Variants in NDST4 observed in about 807,000 individuals in gnomAD.
NDST4 encodes N-heparan sulfate sulfotransferase 4.
A neutral mutation model predicts 100.8 loss-of-function variants in NDST4; 63 were observed. The observed-to-expected ratio is 0.62, with a 90% CI of 0.51 to 0.77. The LOEUF (loss-of-function observed/expected upper bound fraction) is 0.77. NDST4 is among the 30% of genes least tolerant of loss of function. NDST4 has a pLI of 0.00. For synonymous variants in NDST4, 377 were observed against 361.8 expected (o/e 1.04, Z -0.48); for missense variants, 943 against 1,018.4 (o/e 0.93, Z 1.01).
intron 4 of NDST4, among the ~76,000 whole-genome samples, chr4:114,963,594 A>G (rs1726314169): frequency 6.6e-6 from 1 of 152,210 alleles, no homozygotes; most frequent in Non-Finnish European, 1.5e-5. Context: ...ACCAATATCA[A>G]TAAAGCTGCT....
chr4:114,988,160 T>C (rs1726952995), intron 2 of NDST4, among the ~76,000 whole-genome samples: 1 of 151,956 alleles, frequency 6.6e-6, no homozygotes, highest in African/African-American at 2.4e-5. Context: ...ATAAATATTA[T>C]AGTATATTTC....
At chr4:114,861,140 T>C (rs1211433488) in intron 7 of NDST4, among the ~76,000 whole-genome samples, 2 of 152,184 alleles carry the variant, frequency 1.3e-5, no homozygotes, top group Non-Finnish European at 2.9e-5. Context: ...ATGCTCATAT[T>C]TTTCCCCAAA....
chr4:115,064,877 C>A (rs1036257496), intron 2 of NDST4, among the ~76,000 whole-genome samples: 1 of 152,002 alleles, frequency 6.6e-6, no homozygotes, highest in Non-Finnish European at 1.5e-5. Context: ...CACTGCCAAC[C>A]CAATGGGGCC....
intron 2 of NDST4, among the ~76,000 whole-genome samples, chr4:115,065,069 T>C (rs1243652411): frequency 1.3e-5 from 2 of 152,268 alleles, no homozygotes; most frequent in Non-Finnish European, 2.9e-5. Context: ...AGTGATGACA[T>C]TGTATTTCCA....
intron 6 of NDST4, among the ~76,000 whole-genome samples, chr4:114,920,576 A>C (rs753211459): frequency 1.3e-5 from 2 of 152,178 alleles, no homozygotes; most frequent in Non-Finnish European, 2.9e-5. Context: ...TCAAGGAAAC[A>C]CTTCATGCTT....
At chr4:115,069,320 A>C (rs946457498) in intron 2 of NDST4, among the ~76,000 whole-genome samples, 10 of 152,218 alleles carry the variant, frequency 6.6e-5, no homozygotes. Flanking sequence ...GCTGGCTCAC[A>C]AAGAACATTG....
intron 11 of NDST4, among the ~76,000 whole-genome samples, chr4:114,837,340 G>A (rs1723326075): frequency 6.6e-6 from 1 of 151,846 alleles, no homozygotes; most frequent in South Asian, 2.1e-4. Context: ...TGTTTCATAT[G>A]GAACCAAAAA....
intron 6 of NDST4, among the ~76,000 whole-genome samples, chr4:114,917,339 T>A (rs2126217561): frequency 6.6e-6 from 1 of 152,322 alleles, no homozygotes; most frequent in East Asian, 1.9e-4. Context: ...TGTATACCTC[T>A]GCAATTACAG....
At chr4:115,010,409 C>T (rs1316853581) in intron 2 of NDST4, among the ~76,000 whole-genome samples, 1 of 128,052 alleles carries the variant, frequency 7.8e-6, no homozygotes, top group African/African-American at 3.0e-5. Context: ...AATTTGAAAT[C>T]ATCATTCTCA....
At chr4:114,898,161 A>G (rs541152332) in intron 6 of NDST4, among the ~76,000 whole-genome samples, 7 of 152,248 alleles carry the variant, frequency 4.6e-5, no homozygotes, top group African/African-American at 1.7e-4. Context: ...TAACCATGCT[A>G]TCTTCTAGGA....
At chr4:114,846,347 T>C (rs1723549852) in intron 9 of NDST4, among the ~76,000 whole-genome samples, 2 of 152,206 alleles carry the variant, frequency 1.3e-5, no homozygotes, top group South Asian at 4.1e-4. Flanking sequence ...TATTGTTTAG[T>C]TGATATTAAA....
chr4:114,927,192 T>C lies in NDST4; in HGVS notation c.1536+8014A>G, dbSNP rs952735988. ...AGATTAGATCCAAATTTATAATGCT[T>C]GTAGTATTTAAAATTAACTTGATTT... On this transcript the variant is annotated intron_variant, in intron 6 of 13. Transcript: ENST00000264363. Among the ~76,000 whole-genome samples the C allele has an allele frequency of 2.0e-5, 3 of 150,578 alleles. No homozygotes were observed. In the East Asian group the frequency reaches 5.9e-4, roughly 29 times the overall value.
At chr4:114,935,410 A>C in intron 5 of NDST4, 76 bp from the exon 6 acceptor site, 2 of 1,331,326 alleles carry the variant, frequency 1.5e-6, no homozygotes, top group Non-Finnish European at 2.0e-6. Flanking sequence ...TAACTTTAGA[A>C]TCTGCAAATT....
At chr4:115,054,738 C>T (rs1389104668) in intron 2 of NDST4, among the ~76,000 whole-genome samples, 1 of 152,112 alleles carries the variant, frequency 6.6e-6, no homozygotes, top group Non-Finnish European at 1.5e-5. Context: ...ATTGTATAGA[C>T]CTGACAATTA....
intron 2 of NDST4, among the ~76,000 whole-genome samples, chr4:115,063,076 G>C (rs1395681305): frequency 1.3e-5 from 2 of 151,916 alleles, no homozygotes; most frequent in Non-Finnish European, 2.9e-5. Context: ...AAAAAGTGAC[G>C]TGATTGGAAA....
chr4:115,013,298 G>A (rs951989604), intron 2 of NDST4, among the ~76,000 whole-genome samples: 6 of 136,484 alleles, frequency 4.4e-5, no homozygotes, highest in Non-Finnish European at 9.3e-5. Context: ...ATTATATATT[G>A]TATGCCTGTA....
intron 6 of NDST4, 60 bp from the exon 7 acceptor site, chr4:114,871,010 TACAAGCCCCAGGCAGC>T: frequency 1.5e-5 from 20 of 1,341,592 alleles, no homozygotes; most frequent in Non-Finnish European, 2.0e-5. Context: ...AAAGTAGCAG[TACAAGCCCCAGGCAGC>T]ACCTCACCTC....
intron 6 of NDST4, among the ~76,000 whole-genome samples, chr4:114,883,264 A>T (rs1230511486): frequency 1.3e-5 from 2 of 152,124 alleles, no homozygotes; most frequent in Non-Finnish European, 2.9e-5. Context: ...TGAGTATAGC[A>T]TTCAAGTAAG....
intron 4 of NDST4, among the ~76,000 whole-genome samples, chr4:114,965,377 T>A (rs1381089677): frequency 6.6e-6 from 1 of 152,098 alleles, no homozygotes; most frequent in Admixed American, 6.5e-5. Flanking sequence ...CACTTAAGGA[T>A]TTTCCATAGT....
Sources: gnomAD v4.1 joint callset for allele counts (sites outside exome capture counted in the v4.1 genomes callset) on GRCh38, gnomAD v4.1.1 for gene constraint, MANE v1.5 for transcripts, NCBI Gene and HGNC (gene_info 2026-07-23, HGNC 2026-07-21) for gene names.